The following SPECC1 variants were observed in gnomAD, a reference collection of about 807,000 sequenced individuals.
SPECC1 encodes the protein cytospin-B.
A neutral mutation model predicts 104.1 loss-of-function variants in SPECC1; 62 were observed. That is an observed-to-expected ratio of 0.60 (90% CI 0.49 to 0.74). SPECC1 has a LOEUF of 0.74. Among genes scored for constraint, SPECC1 ranks in the 30% least tolerant of loss-of-function variants. SPECC1 has a pLI of 0.00. For synonymous variants in SPECC1, 513 were observed against 501.6 expected, an observed-to-expected ratio of 1.02 and a Z score of -0.30; for missense variants, 1,306 against 1,310.5, an observed-to-expected ratio of 1.00 and a Z score of 0.05.
At chr17:20,193,985 T>C (rs530783747) in intron 3 of SPECC1, among the ~76,000 whole-genome samples, 3 of 152,350 alleles carry the variant, frequency 2.0e-5, no homozygotes, top group Admixed American at 6.5e-5. Context: ...GACTAGAATT[T>C]AATAACAGGT....
At chr17:20,291,225 A>T (rs544011346) in intron 12 of SPECC1, among the ~76,000 whole-genome samples, 2 of 152,226 alleles carry the variant, frequency 1.3e-5, no homozygotes, top group African/African-American at 4.8e-5. Flanking sequence ...TCAAAGTTTC[A>T]CCACTCACTC....
At chr17:20,220,500 G>C (rs982898942) in intron 4 of SPECC1, among the ~76,000 whole-genome samples, 1 of 149,250 alleles carries the variant, frequency 6.7e-6, no homozygotes, top group Non-Finnish European at 1.5e-5. Flanking sequence ...AAATGCTACT[G>C]ATTTTTGCAT....
intron 14 of SPECC1, among the ~76,000 whole-genome samples, chr17:20,308,076 A>G (rs2041822298): frequency 6.6e-6 from 1 of 152,182 alleles, no homozygotes; most frequent in African/African-American, 2.4e-5. Context: ...GGGAAAATCT[A>G]AGTTGAAATA....
intron 1 of SPECC1, among the ~76,000 whole-genome samples, chr17:20,024,085 C>A (rs2044505818): frequency 6.6e-6 from 1 of 152,100 alleles, no homozygotes. Flanking sequence ...GCTATTAGGA[C>A]ATATGTTAGT....
chr17:20,134,613 G>A (rs2049829757), intron 3 of SPECC1, among the ~76,000 whole-genome samples: 1 of 152,092 alleles, frequency 6.6e-6, no homozygotes. Flanking sequence ...TATTGCTTAG[G>A]AAAGTTTTGT....
chr17:20,232,747 A>T (rs975546166), intron 7 of SPECC1, among the ~76,000 whole-genome samples: 12 of 152,080 alleles, frequency 7.9e-5, no homozygotes, highest in Non-Finnish European at 1.6e-4. Flanking sequence ...ATACGAATCC[A>T]CCACCTTGTA....
At chr17:20,203,792 A>C (rs1438091290) in intron 3 of SPECC1, among the ~76,000 whole-genome samples, 2 of 152,258 alleles carry the variant, frequency 1.3e-5, no homozygotes, top group Admixed American at 1.3e-4. Flanking sequence ...AACCCAGCTC[A>C]AGGTGACTTA....
At chr17:20,153,539 C>A (rs2032201629) in intron 3 of SPECC1, among the ~76,000 whole-genome samples, 1 of 152,080 alleles carries the variant, frequency 6.6e-6, no homozygotes, top group African/African-American at 2.4e-5. Context: ...AGCAAAGATG[C>A]AGCAAAGACA....
At chr17:20,090,701 T>C (rs1567835270) in intron 1 of SPECC1, among the ~76,000 whole-genome samples, 1 of 152,186 alleles carries the variant, frequency 6.6e-6, no homozygotes, top group Non-Finnish European at 1.5e-5. Flanking sequence ...AGGGAATAAC[T>C]ACTTATTAGT....
intron 1 of SPECC1, among the ~76,000 whole-genome samples, chr17:20,016,771 G>A (rs1006153684): frequency 4.6e-5 from 7 of 152,216 alleles, no homozygotes; most frequent in Non-Finnish European, 7.3e-5. Context: ...GCTCCACGGC[G>A]CCCAGTCCCA....
intron 3 of SPECC1, among the ~76,000 whole-genome samples, chr17:20,164,042 A>G (rs1166586090): frequency 6.6e-6 from 1 of 152,174 alleles, no homozygotes; most frequent in Non-Finnish European, 1.5e-5. Flanking sequence ...ATTTCTTAAT[A>G]TGGAATTCTA....
chr17:20,311,811 A>C (rs547408669), intron 14 of SPECC1, among the ~76,000 whole-genome samples: 4 of 152,204 alleles, frequency 2.6e-5, no homozygotes, highest in Non-Finnish European at 4.4e-5. Flanking sequence ...GCTAGGTAAA[A>C]GAGGTTCCCT....
At chr17:20,054,738 G>A (rs146359480) in intron 1 of SPECC1, among the ~76,000 whole-genome samples, 66 of 152,102 alleles carry the variant, frequency 4.3e-4, no homozygotes, top group African/African-American at 1.5e-3. Flanking sequence ...TGCAATCATG[G>A]CTCACTGCAG....
At chr17:20,267,864 G>A (rs984443939) in intron 12 of SPECC1, among the ~76,000 whole-genome samples, 3 of 152,068 alleles carry the variant, frequency 2.0e-5, no homozygotes, top group Non-Finnish European at 2.9e-5. Flanking sequence ...GGCCAGGGAC[G>A]CTCAGTTTGC....
At chr17:20,073,843 C>G (rs865935979) in intron 1 of SPECC1, 1 of 152,104 alleles carries the variant, frequency 6.6e-6, no homozygotes, top group African/African-American at 2.4e-5. Context: ...TACATTCTCC[C>G]GTGGTGCATG....
chr17:20,240,726 C>T (rs1025836353), intron 7 of SPECC1, among the ~76,000 whole-genome samples: 4 of 152,146 alleles, frequency 2.6e-5, no homozygotes, highest in African/African-American at 7.2e-5. Flanking sequence ...AGATGTGCTC[C>T]CATTTCTTTC....
rs1491556437 is a variant in SPECC1 at position 20,051,117 on chromosome 17, T to TTTCCTTCTTTCCTTCTTTCCTTCTTTCC, written c.-22+41696_-22+41697insCTTCTTTCCTTCTTTCCTTCTTTCCTTC. Among the ~76,000 whole-genome samples, 12 of 92,888 alleles carry TTTCCTTCTTTCCTTCTTTCCTTCTTTCC rather than the reference T, an allele frequency of 1.3e-4. No individual in the cohort carries two copies. In the South Asian group the frequency reaches 2.5e-3, roughly 20 times the overall value. 60.9% of individuals were successfully genotyped at this position (92,888 alleles called of 152,430 possible). On this transcript the variant is annotated intron_variant, in intron 1 of 14. Coordinates refer to ENST00000395527, the MANE Select transcript of SPECC1 (RefSeq NM_001243439.2). ...CTTTCTTTCTTTCTTTCTTTCTTTC[T>TTTCCTTCTTTCCTTCTTTCCTTCTTTCC]TTCTTTCTTTCTTTCTTTCTTTCCT... is the stretch of plus-strand genomic sequence containing the variant.
intron 3 of SPECC1, among the ~76,000 whole-genome samples, chr17:20,165,899 T>TC: frequency 6.6e-6 from 1 of 152,316 alleles, no homozygotes; most frequent in Non-Finnish European, 1.5e-5. Context: ...GTTTTTTTTT[T>TC]CTTGTAAATT....
chr17:20,074,814 G>A (rs777902518), intron 1 of SPECC1, among the ~76,000 whole-genome samples: 7 of 152,114 alleles, frequency 4.6e-5, no homozygotes, highest in Non-Finnish European at 1.0e-4. Context: ...TGCAAAATAA[G>A]CAATACTAAA....
Sources: gnomAD v4.1 joint callset for allele counts (sites outside exome capture counted in the v4.1 genomes callset) on GRCh38, gnomAD v4.1.1 for gene constraint, MANE v1.5 for transcripts, NCBI Gene and HGNC (gene_info 2026-07-23, HGNC 2026-07-21) for gene names.